The following FAM135A variants were observed in gnomAD, a reference collection of about 807,000 sequenced individuals.
FAM135A encodes the protein family with sequence similarity 135 member A, also known as protein FAM135A.
A neutral mutation model predicts 146.8 loss-of-function variants in FAM135A; 79 were observed. The ratio of observed to expected loss-of-function variants is 0.54; its 90% CI spans 0.45 to 0.65. The LOEUF (loss-of-function observed/expected upper bound fraction) is 0.65. FAM135A is among the 30% of genes least tolerant of loss of function. The pLI, the probability that FAM135A is intolerant of heterozygous loss-of-function variation, is 0.00. For missense variants in FAM135A, 1,623 were observed against 1,758.2 expected, an observed-to-expected ratio of 0.92 and a Z score of 1.38; for synonymous variants, 562 against 603.6, an observed-to-expected ratio of 0.93 and a Z score of 1.01.
rs186338075 is a variant in FAM135A, at chr6:70,526,986, A to G, written c.3614+288A>G. On this transcript the variant is annotated intron_variant, in intron 15 of 21. Coordinates refer to ENST00000418814, the MANE Select transcript of FAM135A (RefSeq NM_001162529.3). ...GCTGTTCTGCTGTTCTATAGGATAG[A>G]CATTCCTGATACAGATTTTCCAATG... Among the ~76,000 whole-genome samples, 16 of 152,180 alleles carry G rather than the reference A, an allele frequency of 1.1e-4. No individual in the cohort carries two copies. In the East Asian group the frequency reaches 2.7e-3, roughly 26 times the overall value.
chr6:70,460,239 A>G (rs1009457280), intron 5 of FAM135A, among the ~76,000 whole-genome samples: 2 of 152,180 alleles, frequency 1.3e-5, no homozygotes, highest in Non-Finnish European at 2.9e-5. Context: ...TTTAAAAGAG[A>G]TACTGTTATT....
intron 4 of FAM135A, among the ~76,000 whole-genome samples, chr6:70,445,649 A>G (rs753972060): frequency 2.0e-5 from 3 of 152,196 alleles, no homozygotes; most frequent in African/African-American, 4.8e-5. Context: ...TAAGGCACAG[A>G]TTGTTCATGC....
intron 2 of FAM135A, among the ~76,000 whole-genome samples, chr6:70,417,237 A>C (rs1269816848): frequency 6.6e-6 from 1 of 152,052 alleles, no homozygotes; most frequent in African/African-American, 2.4e-5. Context: ...TATGTTATAA[A>C]TATATTGATA....
At chr6:70,469,712 C>T (rs1354756616) in intron 5 of FAM135A, among the ~76,000 whole-genome samples, 2 of 151,948 alleles carry the variant, frequency 1.3e-5, no homozygotes, top group Non-Finnish European at 2.9e-5. Flanking sequence ...GAGAAAAGAA[C>T]AGCACCCCCA....
Position 70,524,206 on chromosome 6 carries a change from T to C in FAM135A, c.1258+85T>C. On this transcript the variant is annotated intron_variant, in intron 14 of 21. Coordinates refer to ENST00000418814, the MANE Select transcript of FAM135A (RefSeq NM_001162529.3). ...TAATATACATAAAACCATTCCCTAA[T>C]GTGGAATAGTTTTTTTCCCTCTCTA... 5 of 1,408,930 alleles carry C rather than the reference T, an allele frequency of 3.5e-6. 1 individual carries two copies. Among genetic ancestry groups the C allele is most frequent in the South Asian group, 2.9e-5 (2 of 68,658 alleles). 87.3% of individuals were successfully genotyped at this position (1,408,930 alleles called of 1,614,324 possible).
intron 2 of FAM135A, among the ~76,000 whole-genome samples, chr6:70,418,885 T>A (rs1768136471): frequency 6.6e-6 from 1 of 152,248 alleles, no homozygotes; most frequent in African/African-American, 2.4e-5. Context: ...TGGCTGATTG[T>A]TTGCAGTTTA....
At chr6:70,480,859 T>C (rs1248154578) in intron 8 of FAM135A, 42 bp from the exon 9 acceptor site, 1 of 1,554,864 alleles carries the variant, frequency 6.4e-7, no homozygotes, top group Admixed American at 2.0e-5. Context: ...TACATTCAAA[T>C]AGACTCGTAT....
chr6:70,481,051 ATCT>A (rs781629479), intron 9 of FAM135A, 24 bp downstream of exon 9: 508 of 1,528,202 alleles, frequency 3.3e-4, no homozygotes, highest in Non-Finnish European at 4.1e-4. Flanking sequence ...ATGTTTATAA[ATCT>A]TCTCCTTATT....
rs546674936 is a variant in FAM135A at position 70,450,716 on chromosome 6, G to GTTTTTTTTTTTTTT, written c.78-1747_78-1734dup. On this transcript the variant is annotated intron_variant, in intron 4 of 21. Transcript: ENST00000418814. The stretch of plus-strand genomic sequence containing the variant: ...CTCAGGGAGTGTGACCCTTTTAGTT[G>GTTTTTTTTTTTTTT]TTTTTTTTTTTTTTTTTTTTTTTTT... Among the ~76,000 whole-genome samples the GTTTTTTTTTTTTTT allele has an allele frequency of 7.4e-4, 21 of 28,348 alleles. 7 individuals carry two copies. Among genetic ancestry groups the GTTTTTTTTTTTTTT allele is most frequent in the Non-Finnish European group, 1.3e-3 (17 of 13,088 alleles). 18.6% of individuals were successfully genotyped at this position (28,348 alleles called of 152,430 possible). A position where few individuals can be genotyped will look rare whatever the true frequency, so the allele number is the denominator to read the frequency against.
At chr6:70,435,307 GT>G in intron 4 of FAM135A, among the ~76,000 whole-genome samples, 1 of 151,778 alleles carries the variant, frequency 6.6e-6, no homozygotes, top group East Asian at 1.9e-4. Flanking sequence ...GTTTTGCCCT[GT>G]TGGCCAGGCT....
rs1176102900 is a variant in FAM135A, at chr6:70,554,772, T to C, written c.4229-1978T>C. 2.6e-5 allele frequency among the ~76,000 whole-genome samples: 4 copies of C among 152,052 alleles called. No individual in the cohort carries two copies. The South Asian group carries it at 8.3e-4, about 32-fold the overall frequency. ...CCTCCTGAGTAGTTAGGATTATAGG[T>C]GGCTGCCACCATGCCTAGCTAATTT... On this transcript the variant is annotated intron_variant, in intron 20 of 21. Coordinates refer to ENST00000418814, the MANE Select transcript of FAM135A (RefSeq NM_001162529.3).
At chr6:70,483,727 G>A (rs1784140234) in intron 10 of FAM135A, among the ~76,000 whole-genome samples, 1 of 152,114 alleles carries the variant, frequency 6.6e-6, no homozygotes, top group African/African-American at 2.4e-5. Context: ...ATGAAGGACA[G>A]TATCATGTGC....
intron 16 of FAM135A, among the ~76,000 whole-genome samples, chr6:70,529,933 G>A (rs1795474400): frequency 1.3e-5 from 2 of 152,080 alleles, no homozygotes; most frequent in East Asian, 1.9e-4. Flanking sequence ...GCGTGGTGGC[G>A]GGCGCCTGTA....
At chr6:70,558,414 A>G (rs1387515185) in intron 21 of FAM135A, among the ~76,000 whole-genome samples, 1 of 152,250 alleles carries the variant, frequency 6.6e-6, no homozygotes, top group Non-Finnish European at 1.5e-5. Context: ...ATTGTAAACA[A>G]TGTTTTGCCC....
At position 70,525,700 on chromosome 6, in the gene FAM135A, A is replaced by G; in HGVS notation, c.2616A>G (p.Leu872=). Residue 872 remains leucine (L), a synonymous_variant, in exon 15 of 22, where the codon TTA becomes TTG. Transcript: ENST00000418814. ...ECHLNDSKTV[L]NLGTTDLPKC... ...ATCTAAATGATAGCAAAACTGTATT[A>G]AATCTAGGAACGACTGATTTGCCAA... is the stretch of plus-strand genomic sequence containing the variant. 1 of 1,612,638 alleles carries G rather than the reference A, an allele frequency of 6.2e-7. No individual in the cohort carries two copies. The highest frequency in any genetic ancestry group is 2.2e-5 in the East Asian group (1 of 44,852).
chr6:70,490,932 C>A, intron 10 of FAM135A, 102 bp from the exon 11 acceptor site: 1 of 653,902 alleles, frequency 1.5e-6, no homozygotes, highest in Non-Finnish European at 2.4e-6. Flanking sequence ...TCATTGAATA[C>A]AGTCCAGATC....
chr6:70,497,430 T>C (rs1332976275), intron 11 of FAM135A, among the ~76,000 whole-genome samples: 2 of 152,210 alleles, frequency 1.3e-5, no homozygotes, highest in Non-Finnish European at 2.9e-5. Context: ...TAGACAATCA[T>C]GTCATCTGCA....
chr6:70,493,004 TACTC>T (rs1330161440), intron 11 of FAM135A, among the ~76,000 whole-genome samples: 12 of 152,066 alleles, frequency 7.9e-5, no homozygotes, highest in African/African-American at 2.7e-4. Flanking sequence ...TCTACAAAAA[TACTC>T]ATAAATGTAC....
At chr6:70,423,356 A>G (rs944189455) in intron 2 of FAM135A, among the ~76,000 whole-genome samples, 4 of 152,304 alleles carry the variant, frequency 2.6e-5, no homozygotes, top group African/African-American at 9.6e-5. Context: ...GAGGGGGAAT[A>G]TATTAGTTAG....
Sources: gnomAD v4.1 joint callset for allele counts (sites outside exome capture counted in the v4.1 genomes callset) on GRCh38, gnomAD v4.1.1 for gene constraint, MANE v1.5 for transcripts, NCBI Gene and HGNC (gene_info 2026-07-23, HGNC 2026-07-21) for gene names.